ZNF324B: variants seen among roughly 807,000 people sequenced by gnomAD.
The protein encoded by ZNF324B is zinc finger protein 324B.
A neutral mutation model predicts 10.6 loss-of-function variants in ZNF324B; 7 were observed. The ratio of observed to expected loss-of-function variants is 0.66; its 90% CI spans 0.38 to 1.24. The LOEUF (loss-of-function observed/expected upper bound fraction) is 1.24. Ranked by LOEUF, ZNF324B falls within the 50% of genes most tolerant of loss-of-function variation. ZNF324B has a pLI of 0.02. For missense variants in ZNF324B, 640 were observed against 764.7 expected (o/e 0.84, Z 1.92); for synonymous variants, 316 against 321.0 (o/e 0.98, Z 0.17).
the ZNF324B span, among the ~76,000 whole-genome samples, chr19:58,427,452 C>CCCTCCCTT: frequency 1.1e-4 from 5 of 47,050 alleles, no homozygotes; most frequent in East Asian, 6.6e-4. Flanking sequence ...CCTTTCCTTT[C>CCCTCCCTT]CCTTCCTTCC....
the ZNF324B span, chr19:58,434,550 C>T: frequency 1.2e-6 from 2 of 1,614,140 alleles, no homozygotes; most frequent in Admixed American, 1.7e-5. Flanking sequence ...GACTAAAGGC[C>T]TTCCCACACT....
the ZNF324B span, chr19:58,433,280 G>A: frequency 3.2e-6 from 5 of 1,564,272 alleles, no homozygotes; most frequent in Non-Finnish European, 4.3e-6. Context: ...AGTTTGACTT[G>A]GCTGAAGATT....
the ZNF324B span, chr19:58,433,329 A>G: frequency 5.6e-6 from 9 of 1,610,930 alleles, no homozygotes; most frequent in East Asian, 2.2e-5. Flanking sequence ...CCACTCAGGT[A>G]TGAATCTTTT....
chr19:58,433,169 A>G, the ZNF324B span: 3 of 787,154 alleles, frequency 3.8e-6, no homozygotes, highest in African/African-American at 3.5e-5. Context: ...TGGCCCTGCA[A>G]AGGTTCCTGG....
the ZNF324B span, chr19:58,428,572 C>G: frequency 3.3e-5 from 5 of 152,188 alleles, no homozygotes; most frequent in Non-Finnish European, 5.9e-5. Flanking sequence ...TGATTTCTGT[C>G]TTCTCTGTCT....
chr19:58,455,596 G>C lies in ZNF324B; in HGVS notation c.652G>C (p.Gly218Arg). ...TGCCTCGGACCTGAAGGCCGCCAGTGGTGGCAGGGATCGCAGAATGGGCGC... is the reference window on the plus strand; with the variant it reads ...TGCCTCGGACCTGAAGGCCGCCAGTCGTGGCAGGGATCGCAGAATGGGCGC... Reference protein sequence around the residue: ...GNASDLKAASGGRDRRMGAAW... With the variant: ...GNASDLKAASRGRDRRMGAAW... The change falls in exon 4 of 4, where the codon GGT (glycine) becomes CGT (arginine). Residue 218 changes from glycine to arginine, a missense_variant. Around this residue, in one of 3 missense-constraint regions of ZNF324B, gnomAD observed 345 missense variants for 387.9 expected, o/e 0.89. Coordinates refer to ENST00000336614, the MANE Select transcript of ZNF324B (RefSeq NM_207395.3). This position sits in a 1 kb window ranked among gnomAD's most constrained non-coding sequence, Gnocchi z 7.0. 2 of 1,614,098 alleles carry C rather than the reference G, an allele frequency of 1.2e-6. No individual in the cohort carries two copies. The highest frequency in any genetic ancestry group is 8.5e-7 in the Non-Finnish European group (1 of 1,180,028).
At chr19:58,448,734 A>G (rs1348361713), upstream of ZNF324B, among the ~76,000 whole-genome samples, 1 of 152,296 alleles carries the variant, frequency 6.6e-6, no homozygotes, top group South Asian at 2.1e-4. Context: ...CTCAAAAAAA[A>G]TAAAAATAAA....
chr19:58,435,232 G>A, the ZNF324B span: 35 of 1,590,662 alleles, frequency 2.2e-5, no homozygotes, highest in Non-Finnish European at 2.8e-5. Flanking sequence ...AGAAATGCCA[G>A]TTAACTAAGA....
At chr19:58,447,290 G>A (rs1402452747), upstream of ZNF324B, among the ~76,000 whole-genome samples, 1 of 152,182 alleles carries the variant, frequency 6.6e-6, no homozygotes, top group East Asian at 1.9e-4. Flanking sequence ...CAATGCAGGA[G>A]CTTAACCAAA....
At chr19:58,438,279 G>A in the ZNF324B span, among the ~76,000 whole-genome samples, 1 of 152,020 alleles carries the variant, frequency 6.6e-6, no homozygotes, top group East Asian at 1.9e-4. Flanking sequence ...CCACACACAA[G>A]CATCCATCCC....
chr19:58,439,207 C>T, the ZNF324B span, among the ~76,000 whole-genome samples: 1 of 152,194 alleles, frequency 6.6e-6, no homozygotes, highest in Non-Finnish European at 1.5e-5. Context: ...ACCCAAAGCA[C>T]ACATCTGGAC....
At chr19:58,421,151 G>A in the ZNF324B span, among the ~76,000 whole-genome samples, 10 of 152,138 alleles carry the variant, frequency 6.6e-5, no homozygotes, top group Non-Finnish European at 8.8e-5. Flanking sequence ...TGGCAATGGC[G>A]GGCCTGTCTT....
At chr19:58,435,356 A>C in the ZNF324B span, 3 of 895,468 alleles carry the variant, frequency 3.4e-6, no homozygotes, top group African/African-American at 3.4e-5. Flanking sequence ...CAGGGTGAAG[A>C]AGGGCCCATT....
rs190706397 is a variant in ZNF324B, at chr19:58,456,699, G to A, written c.*120G>A. ...AGCTCTGTGCCTGAGAGTCAGGGAC[G>A]AGGGAGACCCTTTGGCTGTGGTTCC... On this transcript the variant is annotated 3_prime_UTR_variant, in exon 4 of 4. Transcript: ENST00000336614. The surrounding 1 kb of genome is among the most constrained non-coding windows in gnomAD (Gnocchi z 4.7). 6.3e-6 allele frequency: 8 copies of A among 1,267,366 alleles called. No homozygotes were observed. In the Admixed American group the frequency reaches 8.0e-5, roughly 13 times the overall value. The allele number at this position is 1,267,366 out of a possible 1,614,324, so 78.5% of individuals were successfully genotyped here.
Position 58,456,832 on chromosome 19 carries a change from C to G in ZNF324B, c.*253C>G. ...GAGGGAGGACATGTCAGCTGGAACTCTGGTGGGGCTGAGGCTGTAGTTGGG... is the reference window on the plus strand; with the variant it reads ...GAGGGAGGACATGTCAGCTGGAACTGTGGTGGGGCTGAGGCTGTAGTTGGG... On this transcript the variant is annotated 3_prime_UTR_variant, in exon 4 of 4. Coordinates refer to ENST00000336614, the MANE Select transcript of ZNF324B (RefSeq NM_207395.3). This position sits in a 1 kb window ranked among gnomAD's most constrained non-coding sequence, Gnocchi z 4.7. The G allele has an allele frequency of 1.7e-6, 1 of 576,770 alleles. No individual in the cohort carries two copies. Among genetic ancestry groups the G allele is most frequent in the Non-Finnish European group, 3.1e-6 (1 of 325,628 alleles). 35.7% of individuals were successfully genotyped at this position (576,770 alleles called of 1,614,324 possible).
chr19:58,437,318 T>G, the ZNF324B span: 1 of 1,311,510 alleles, frequency 7.6e-7, no homozygotes, highest in Non-Finnish European at 1.0e-6. Context: ...TTTCTTATGA[T>G]CCTCTCAGTC....
At position 58,456,643 on chromosome 19, in the gene ZNF324B, C is replaced by A; in HGVS notation, c.*64C>A. ...TGAATCCCTTCCACAGCTAAAGGGT[C>A]CGAGTGCTCTTCAGATCCACGATGG... On this transcript the variant is annotated 3_prime_UTR_variant, in exon 4 of 4. Coordinates refer to ENST00000336614, the MANE Select transcript of ZNF324B (RefSeq NM_207395.3). This position sits in a 1 kb window ranked among gnomAD's most constrained non-coding sequence, Gnocchi z 4.7. 1 of 1,536,652 alleles carries A rather than the reference C, an allele frequency of 6.5e-7. No homozygotes were observed. The highest frequency in any genetic ancestry group is 1.4e-5 in the African/African-American group (1 of 73,140).
the ZNF324B span, among the ~76,000 whole-genome samples, chr19:58,431,792 C>T: frequency 6.6e-6 from 1 of 152,112 alleles, no homozygotes; most frequent in Non-Finnish European, 1.5e-5. Flanking sequence ...GAGATCGAGA[C>T]CATCCTGGCT....
the ZNF324B span, among the ~76,000 whole-genome samples, chr19:58,427,195 A>G: frequency 6.6e-6 from 1 of 151,462 alleles, no homozygotes; most frequent in Non-Finnish European, 1.5e-5. Flanking sequence ...CAATGGCGTG[A>G]TCTCAGCTCA....
Sources: gnomAD v4.1 joint callset for allele counts (sites outside exome capture counted in the v4.1 genomes callset) on GRCh38, gnomAD v4.1.1 for gene constraint, gnomAD v4.1.1 regional missense constraint, Gnocchi (gnomAD v3.1) non-coding constraint, MANE v1.5 for transcripts, NCBI Gene and HGNC (gene_info 2026-07-23, HGNC 2026-07-21) for gene names.